Variants in CYTH3 observed in about 807,000 individuals in gnomAD.
CYTH3 encodes the protein cytohesin-3.
A neutral mutation model predicts 55.1 loss-of-function variants in CYTH3; 23 were observed. The ratio of observed to expected loss-of-function variants is 0.42; its 90% confidence interval spans 0.30 to 0.59. The LOEUF is 0.59. Ranked by LOEUF, CYTH3 falls within the 20% of genes least tolerant of loss-of-function variation. CYTH3 has a pLI of 0.20. For synonymous variants in CYTH3, 249 were observed against 194.9 expected, an observed-to-expected ratio of 1.28 and a Z score of -2.31; for missense variants, 413 against 524.8, an observed-to-expected ratio of 0.79 and a Z score of 2.08.
At chr7:6,179,820 CCA>C (rs1192583613) in intron 4 of CYTH3, among the ~76,000 whole-genome samples, 12 of 134,994 alleles carry the variant, frequency 8.9e-5, no homozygotes, top group Non-Finnish European at 1.4e-4. Context: ...CACACACACA[CCA>C]CACACGCACA....
At chr7:6,191,147 G>T (rs1027242022) in intron 1 of CYTH3, among the ~76,000 whole-genome samples, 1 of 148,876 alleles carries the variant, frequency 6.7e-6, no homozygotes, top group Admixed American at 6.7e-5. Flanking sequence ...ATAAAATGAT[G>T]ACTATGAAAG....
intron 1 of CYTH3, among the ~76,000 whole-genome samples, chr7:6,259,758 T>TATATATATATATATATA (rs1780244589): frequency 3.7e-5 from 1 of 27,318 alleles, no homozygotes; most frequent in East Asian, 1.3e-3. Context: ...ATATATATAT[T>TATATATATATATATATA]ATATATATAT....
chr7:6,198,832 A>C (rs1213736546), intron 1 of CYTH3, among the ~76,000 whole-genome samples: 1 of 151,988 alleles, frequency 6.6e-6, no homozygotes, highest in Non-Finnish European at 1.5e-5. Context: ...GAAATCTCTA[A>C]AGCTGGTTGA....
chr7:6,166,386 T>C (rs988424834), intron 9 of CYTH3, among the ~76,000 whole-genome samples: 5 of 152,256 alleles, frequency 3.3e-5, no homozygotes, highest in Non-Finnish European at 7.3e-5. Flanking sequence ...TCAGCTGCTA[T>C]AGCCTTGCCG....
intron 1 of CYTH3, among the ~76,000 whole-genome samples, chr7:6,192,944 G>A (rs1363758217): frequency 6.6e-6 from 1 of 151,776 alleles, no homozygotes; most frequent in Non-Finnish European, 1.5e-5. Context: ...GCAGAGACAG[G>A]TGGATCACCT....
intron 1 of CYTH3, among the ~76,000 whole-genome samples, chr7:6,238,759 C>T (rs1023528843): frequency 1.3e-5 from 2 of 152,110 alleles, no homozygotes; most frequent in Admixed American, 6.5e-5. Flanking sequence ...TGAAGGGTGT[C>T]GACAGCCGGG....
chr7:6,189,270 G>A (rs1260201503), intron 2 of CYTH3, among the ~76,000 whole-genome samples: 2 of 152,120 alleles, frequency 1.3e-5, no homozygotes, highest in African/African-American at 2.4e-5. Flanking sequence ...ACACAAGTGT[G>A]GAAGAGCCCA....
At chr7:6,256,508 G>C (rs1187760062) in intron 1 of CYTH3, among the ~76,000 whole-genome samples, 1 of 152,266 alleles carries the variant, frequency 6.6e-6, no homozygotes, top group East Asian at 1.9e-4. Flanking sequence ...TTAGATGCAA[G>C]ACAGTCCGCT....
chr7:6,233,994 GC>G (rs1250945486), intron 1 of CYTH3, among the ~76,000 whole-genome samples: 5 of 152,146 alleles, frequency 3.3e-5, no homozygotes, highest in African/African-American at 1.2e-4. Flanking sequence ...TCATTCATGA[GC>G]TAATCACCTA....
chr7:6,168,487 C>A (rs899956963), intron 9 of CYTH3, among the ~76,000 whole-genome samples: 7 of 152,208 alleles, frequency 4.6e-5, no homozygotes, highest in Admixed American at 3.9e-4. Flanking sequence ...GGCTCGCCAG[C>A]CTTTGGTCTC....
intron 4 of CYTH3, among the ~76,000 whole-genome samples, chr7:6,183,671 T>A (rs1783561427): frequency 1.3e-5 from 2 of 152,170 alleles, no homozygotes; most frequent in African/African-American, 4.8e-5. Flanking sequence ...GAGGTAGATA[T>A]AATTTTGAGT....
intron 1 of CYTH3, among the ~76,000 whole-genome samples, chr7:6,239,738 TA>T (rs1472979970): frequency 1.3e-5 from 2 of 152,104 alleles, no homozygotes; most frequent in Non-Finnish European, 2.9e-5. Flanking sequence ...AGTTAGACAC[TA>T]AAGTAGAAAA....
At chr7:6,173,906 G>A (rs1176093642) in intron 5 of CYTH3, among the ~76,000 whole-genome samples, 173 bp from the exon 6 acceptor site, 2 of 152,156 alleles carry the variant, frequency 1.3e-5, no homozygotes, top group African/African-American at 2.4e-5. Flanking sequence ...TGTTACCCAG[G>A]CTGGTCTGCA....
chr7:6,199,901 G>GTTAA (rs1784021027), intron 1 of CYTH3, among the ~76,000 whole-genome samples: 2 of 152,256 alleles, frequency 1.3e-5, no homozygotes, highest in Middle Eastern at 3.4e-3. Context: ...ATGTGAAATG[G>GTTAA]TTAACATCAT....
chr7:6,224,315 TAA>T (rs11458182), intron 1 of CYTH3, among the ~76,000 whole-genome samples: 1,344 of 86,570 alleles, frequency 0.016, 20 homozygotes, highest in African/African-American at 0.039. Context: ...CAAAAATAGG[TAA>T]AAAAAAAAAA....
chr7:6,264,198 G>A (rs1780426118), intron 1 of CYTH3, among the ~76,000 whole-genome samples: 1 of 151,960 alleles, frequency 6.6e-6, no homozygotes, highest in Non-Finnish European at 1.5e-5. Flanking sequence ...AGTGAGCCAA[G>A]ATGGCTCCAT....
At chr7:6,247,863 G>A (rs1779861188) in intron 1 of CYTH3, among the ~76,000 whole-genome samples, 1 of 151,912 alleles carries the variant, frequency 6.6e-6, no homozygotes, top group Admixed American at 6.6e-5. Flanking sequence ...ATGGTTCCCA[G>A]GCTGGTCTCG....
Position 6,216,558 on chromosome 7 carries a change from G to A in CYTH3, c.35-26027C>T, listed in dbSNP as rs571233377. The stretch of plus-strand genomic sequence containing the variant: ...GTTTGAGACCAGCCTTGTCAACACC[G>A]CAAGACCCCATCTCTACAAAAAAAA... On this transcript the variant is annotated intron_variant, in intron 1 of 12. Transcript: ENST00000350796. Among the ~76,000 whole-genome samples the A allele has an allele frequency of 5.9e-5, 9 of 151,782 alleles. No individual in the cohort carries two copies. The East Asian group carries it at 1.2e-3, about 20-fold the overall frequency.
intron 6 of CYTH3, chr7:6,172,809 A>AT (rs1783237763): frequency 7.8e-7 from 1 of 1,282,326 alleles, no homozygotes; most frequent in Non-Finnish European, 1.0e-6. Context: ...CAGGATTCTT[A>AT]TATGTTGCGA....
Sources: gnomAD v4.1 joint callset for allele counts (sites outside exome capture counted in the v4.1 genomes callset) on GRCh38, gnomAD v4.1.1 for gene constraint, MANE v1.5 for transcripts, NCBI Gene and HGNC (gene_info 2026-07-23, HGNC 2026-07-21) for gene names.